Variants in PTPRM observed in about 807,000 individuals in gnomAD.
PTPRM encodes the protein receptor-type tyrosine-protein phosphatase mu.
PTPRM carries 47 observed loss-of-function variants against 186.7 expected under a neutral mutation model. The observed-to-expected ratio is 0.25, with a 90% confidence interval of 0.20 to 0.32. The LOEUF is 0.32. PTPRM is among the 10% of genes least tolerant of loss of function. The pLI is 1.00. For missense variants in PTPRM, 1,494 were observed against 1,865.0 expected, an observed-to-expected ratio of 0.80 and a Z score of 3.66; for synonymous variants, 668 against 674.9, an observed-to-expected ratio of 0.99 and a Z score of 0.16.
intron 22 of PTPRM, among the ~76,000 whole-genome samples, chr18:8,326,138 C>T (rs1329845163): frequency 6.6e-6 from 1 of 152,056 alleles, no homozygotes; most frequent in Non-Finnish European, 1.5e-5. Flanking sequence ...TCTGTTTATT[C>T]TCTGGATAGT....
intron 7 of PTPRM, among the ~76,000 whole-genome samples, chr18:7,997,861 C>G (rs1001489848): frequency 2.0e-5 from 3 of 152,112 alleles, no homozygotes; most frequent in African/African-American, 7.2e-5. Context: ...TGGCTATTAT[C>G]CAAAGAAAGT....
chr18:8,005,047 C>T (rs551455891), intron 7 of PTPRM, among the ~76,000 whole-genome samples: 2 of 152,230 alleles, frequency 1.3e-5, no homozygotes, highest in South Asian at 2.1e-4. Flanking sequence ...ATTGTATTTT[C>T]CAAAAGCACA....
At chr18:8,111,474 G>A (rs1271250567) in intron 11 of PTPRM, among the ~76,000 whole-genome samples, 2 of 152,118 alleles carry the variant, frequency 1.3e-5, no homozygotes, top group African/African-American at 4.8e-5. Context: ...TTAGCCGGGT[G>A]TGGTGGCGGG....
chr18:7,652,917 C>A (rs888760252), intron 1 of PTPRM, among the ~76,000 whole-genome samples: 37 of 151,866 alleles, frequency 2.4e-4, no homozygotes, highest in Admixed American at 1.1e-3. Context: ...ACTACTACTA[C>A]TAATAAAAAA....
chr18:8,346,760 C>G (rs1389543567), intron 23 of PTPRM, among the ~76,000 whole-genome samples: 1 of 151,542 alleles, frequency 6.6e-6, no homozygotes, highest in African/African-American at 2.4e-5. Context: ...CTTTTTGTTC[C>G]GCACACCAAA....
chr18:8,403,276 T>G (rs1171245167), intron 32 of PTPRM: 2 of 152,228 alleles, frequency 1.3e-5, no homozygotes, highest in Non-Finnish European at 2.9e-5. Flanking sequence ...ATAAGCATTT[T>G]TCTACTAGCG....
intron 23 of PTPRM, among the ~76,000 whole-genome samples, chr18:8,359,403 C>T (rs1265482433): frequency 6.6e-6 from 1 of 152,262 alleles, no homozygotes; most frequent in African/African-American, 2.4e-5. Flanking sequence ...CCATGGTCAC[C>T]CCTGCGGAGC....
intron 1 of PTPRM, among the ~76,000 whole-genome samples, chr18:7,771,247 G>A (rs889675317): frequency 6.6e-6 from 1 of 152,176 alleles, no homozygotes; most frequent in Non-Finnish European, 1.5e-5. Context: ...AGTGCTATCT[G>A]TTTCCACTGG....
intron 4 of PTPRM, among the ~76,000 whole-genome samples, chr18:7,914,436 G>T (rs1439344835): frequency 6.6e-6 from 1 of 152,080 alleles, no homozygotes. Flanking sequence ...CATGTTAAGA[G>T]AAATTTTCTG....
At chr18:7,591,239 T>G (rs577196892) in intron 1 of PTPRM, among the ~76,000 whole-genome samples, 2 of 152,358 alleles carry the variant, frequency 1.3e-5, no homozygotes, top group South Asian at 4.1e-4. Context: ...TCTTTTCCTC[T>G]GGAATTGTTT....
chr18:8,183,545 C>T (rs768467370), intron 14 of PTPRM, among the ~76,000 whole-genome samples: 8 of 152,326 alleles, frequency 5.3e-5, no homozygotes, highest in African/African-American at 1.4e-4. Context: ...TCTCCTCCTT[C>T]GTTCATTCTC....
chr18:8,001,515 C>A (rs1409472355), intron 7 of PTPRM, among the ~76,000 whole-genome samples: 2 of 151,886 alleles, frequency 1.3e-5, no homozygotes, highest in Non-Finnish European at 1.5e-5. Context: ...TGGTGCTAGA[C>A]AACTGGATGA....
intron 7 of PTPRM, among the ~76,000 whole-genome samples, chr18:7,984,546 CATATATGCCCCATAT>C (rs1404815884): frequency 1.2e-4 from 15 of 121,528 alleles, no homozygotes; most frequent in African/African-American, 1.6e-4. Context: ...GGGTAGTATA[CATATATGCCCCATAT>C]ATATATGCCC....
At chr18:8,186,314 A>G (rs2093640978) in intron 14 of PTPRM, among the ~76,000 whole-genome samples, 1 of 134,274 alleles carries the variant, frequency 7.4e-6, no homozygotes, top group South Asian at 2.4e-4. Flanking sequence ...CAACAGAGCG[A>G]TACTCCATCT....
At chr18:8,351,536 A>G (rs1276673031) in intron 23 of PTPRM, among the ~76,000 whole-genome samples, 1 of 148,264 alleles carries the variant, frequency 6.7e-6, no homozygotes, top group East Asian at 1.9e-4. Flanking sequence ...TAGGCCCAGT[A>G]GAAGCAATTG....
At chr18:8,375,385 A>T (rs1262562553) in intron 24 of PTPRM, among the ~76,000 whole-genome samples, 2 of 152,246 alleles carry the variant, frequency 1.3e-5, no homozygotes, top group Non-Finnish European at 2.9e-5. Context: ...TGCCTGGGGC[A>T]GTGTAGTCAC....
intron 7 of PTPRM, among the ~76,000 whole-genome samples, chr18:8,002,326 G>T (rs1252422765): frequency 3.3e-5 from 5 of 152,192 alleles, no homozygotes; most frequent in Admixed American, 3.3e-4. Flanking sequence ...CAAGACATTT[G>T]GGTAGTAGAG....
At chr18:8,078,048 G>T (rs1225004764) in intron 9 of PTPRM, among the ~76,000 whole-genome samples, 4 of 152,190 alleles carry the variant, frequency 2.6e-5, no homozygotes, top group African/African-American at 9.7e-5. Flanking sequence ...AATCAGATAT[G>T]TGTAAGTAGA....
In PTPRM at chr18:8,379,268, A is replaced by G; in HGVS notation, c.3714A>G (p.Pro1238=). 6.2e-7 allele frequency: 1 copy of G among 1,614,102 alleles called. No homozygotes were observed. Among genetic ancestry groups the G allele is most frequent in the Non-Finnish European group, 8.5e-7 (1 of 1,179,992 alleles). ...ACCGGTGCATGGACATCCTGCCCCC[A>G]GACCGCTGCCTGCCCTTCCTCATCA... ...EKNRCMDILP[P]DRCLPFLITI... The change falls in exon 28 of 33, where the codon CCA becomes CCG. Residue 1238 remains proline, a synonymous_variant. Transcript: ENST00000580170.
Sources: gnomAD v4.1 joint callset for allele counts (sites outside exome capture counted in the v4.1 genomes callset) on GRCh38, gnomAD v4.1.1 for gene constraint, MANE v1.5 for transcripts, NCBI Gene and HGNC (gene_info 2026-07-23, HGNC 2026-07-21) for gene names.